The following RAI14 variants were observed in gnomAD, a reference collection of about 807,000 sequenced individuals.
RAI14 encodes the protein ankycorbin.
Under a neutral mutation model 115.4 loss-of-function variants are expected in RAI14, and 45 were observed. That is an observed-to-expected ratio of 0.39 (90% CI 0.31 to 0.50). The LOEUF (loss-of-function observed/expected upper bound fraction) is 0.50. RAI14 is among the 20% of genes least tolerant of loss of function. The pLI is 0.85. For missense variants in RAI14, 939 were observed against 1,131.2 expected (o/e 0.83, Z 2.44); for synonymous variants, 371 against 415.4 (o/e 0.89, Z 1.30).
chr5:34,724,047 C>G (rs1743145341), intron 2 of RAI14, among the ~76,000 whole-genome samples: 1 of 152,156 alleles, frequency 6.6e-6, no homozygotes, highest in Admixed American at 6.6e-5. Flanking sequence ...ACGGAGTTTT[C>G]ACTCTGTTGC....
chr5:34,765,357 G>C (rs1749218444), intron 3 of RAI14, among the ~76,000 whole-genome samples: 1 of 152,220 alleles, frequency 6.6e-6, no homozygotes, highest in African/African-American at 2.4e-5. Context: ...CTAGAGACTT[G>C]TTGAATGGCT....
chr5:34,667,330 T>A (rs1743293579), intron 1 of RAI14: 1 of 152,296 alleles, frequency 6.6e-6, no homozygotes, highest in Admixed American at 6.5e-5. Flanking sequence ...CTTGACCTCC[T>A]GGGCTCAAGC....
chr5:34,819,498 G>A (rs766782599), intron 13 of RAI14, among the ~76,000 whole-genome samples: 7 of 152,102 alleles, frequency 4.6e-5, no homozygotes, highest in East Asian at 1.9e-4. Flanking sequence ...GTAGACACAC[G>A]CAAAGACAAG....
chr5:34,803,852 AAC>A, intron 5 of RAI14, 76 bp downstream of exon 5: 1 of 1,328,256 alleles, frequency 7.5e-7, no homozygotes, highest in Non-Finnish European at 1.1e-6. Context: ...TGAAAGAACA[AAC>A]ACACCCTCCA....
intron 2 of RAI14, among the ~76,000 whole-genome samples, chr5:34,732,099 T>C (rs1015244425): frequency 2.0e-5 from 3 of 152,090 alleles, no homozygotes; most frequent in Non-Finnish European, 4.4e-5. Context: ...AAAGCAGAAG[T>C]GCAAGTCCAA....
chr5:34,777,703 C>T (rs776861771), intron 3 of RAI14, among the ~76,000 whole-genome samples: 3 of 152,030 alleles, frequency 2.0e-5, no homozygotes, highest in African/African-American at 2.4e-5. Flanking sequence ...CGCTTGAACC[C>T]GGGAGGCAGA....
chr5:34,658,885 G>T (rs1328789708), intron 1 of RAI14: 1 of 151,860 alleles, frequency 6.6e-6, no homozygotes, highest in East Asian at 1.9e-4. Context: ...TACTTCCTAG[G>T]TTTAATAGTT....
At chr5:34,804,821 T>G (rs142228521) in intron 5 of RAI14, among the ~76,000 whole-genome samples, 1 of 152,332 alleles carries the variant, frequency 6.6e-6, no homozygotes, top group East Asian at 1.9e-4. Context: ...TCTGGATAAG[T>G]GAAAATCATT....
At chr5:34,662,566 A>G (rs958537044) in intron 1 of RAI14, among the ~76,000 whole-genome samples, 5 of 152,232 alleles carry the variant, frequency 3.3e-5, no homozygotes, top group Admixed American at 6.5e-5. Context: ...AGAATACTGA[A>G]GTACACCATT....
intron 3 of RAI14, among the ~76,000 whole-genome samples, chr5:34,781,862 TGGGAAA>T (rs2150163158): frequency 6.6e-6 from 1 of 151,938 alleles, no homozygotes; most frequent in African/African-American, 2.4e-5. Context: ...GAGTGTGGAG[TGGGAAA>T]TCAGGGGTCT....
chr5:34,677,910 A>C (rs1433687845), intron 1 of RAI14, among the ~76,000 whole-genome samples: 1 of 152,148 alleles, frequency 6.6e-6, no homozygotes, highest in Non-Finnish European at 1.5e-5. Flanking sequence ...ATCTAATAAC[A>C]ATAAAAAGTT....
intron 2 of RAI14, among the ~76,000 whole-genome samples, chr5:34,691,400 T>G (rs766968327): frequency 6.6e-6 from 1 of 152,230 alleles, no homozygotes; most frequent in Non-Finnish European, 1.5e-5. Flanking sequence ...TCATCATTAT[T>G]TGTATCTTTT....
chr5:34,686,737 C>A, intron 1 of RAI14, 135 bp from the exon 2 acceptor site: 1 of 419,254 alleles, frequency 2.4e-6, no homozygotes, highest in Non-Finnish European at 4.3e-6. Flanking sequence ...TGTTATTTAC[C>A]ACTCCTCAGC....
At chr5:34,733,431 A>G (rs1010374818) in intron 2 of RAI14, among the ~76,000 whole-genome samples, 10 of 152,326 alleles carry the variant, frequency 6.6e-5, no homozygotes, top group African/African-American at 2.4e-4. Context: ...TGAGGTGTAC[A>G]TTTGAAAGGG....
chr5:34,701,189 C>T (rs921835346), intron 2 of RAI14, among the ~76,000 whole-genome samples: 17 of 152,080 alleles, frequency 1.1e-4, no homozygotes, highest in African/African-American at 3.6e-4. Flanking sequence ...TTATTTAACC[C>T]TATATATCAT....
chr5:34,711,030 T>A (rs1003724455), intron 2 of RAI14, among the ~76,000 whole-genome samples: 1 of 152,210 alleles, frequency 6.6e-6, no homozygotes, highest in Admixed American at 6.5e-5. Context: ...ATGGACTGAA[T>A]GTTTGTGTCC....
intron 3 of RAI14, among the ~76,000 whole-genome samples, chr5:34,771,349 A>T (rs1750133640): frequency 6.6e-6 from 1 of 152,140 alleles, no homozygotes; most frequent in Non-Finnish European, 1.5e-5. Flanking sequence ...GAGGCAATGG[A>T]AGGAACTGAT....
chr5:34,685,459 G>A (rs1744764240), intron 1 of RAI14, among the ~76,000 whole-genome samples: 2 of 152,026 alleles, frequency 1.3e-5, no homozygotes, highest in South Asian at 4.2e-4. Context: ...GACTAGGTTG[G>A]GAGAGAGGTG....
chr5:34,801,748 G>A (rs1386170396), intron 4 of RAI14, among the ~76,000 whole-genome samples: 1 of 142,634 alleles, frequency 7.0e-6, no homozygotes, highest in Non-Finnish European at 1.6e-5. Context: ...AAAAAAAAAA[G>A]GTATTTGGGG....
Sources: gnomAD v4.1 joint callset for allele counts (sites outside exome capture counted in the v4.1 genomes callset) on GRCh38, gnomAD v4.1.1 for gene constraint, MANE v1.5 for transcripts, NCBI Gene and HGNC (gene_info 2026-07-23, HGNC 2026-07-21) for gene names.